The following KCTD20 variants were observed in gnomAD, a reference collection of about 807,000 sequenced individuals.
The protein encoded by KCTD20 is BTB/POZ domain-containing protein KCTD20.
Under a neutral mutation model 39.6 loss-of-function variants are expected in KCTD20, and 30 were observed. The ratio of observed to expected loss-of-function variants is 0.76; its 90% CI spans 0.57 to 1.03. The LOEUF (loss-of-function observed/expected upper bound fraction) is 1.03. Ranked by LOEUF, KCTD20 falls within the 50% of genes least tolerant of loss-of-function variation. KCTD20 has a pLI of 0.00. For missense variants in KCTD20, 422 were observed against 522.0 expected (o/e 0.81, Z 1.87); for synonymous variants, 162 against 180.6 (o/e 0.90, Z 0.83).
chr6:36,459,136 A>AC (rs1161582460), intron 1 of KCTD20, among the ~76,000 whole-genome samples: 1 of 151,948 alleles, frequency 6.6e-6, no homozygotes, highest in African/African-American at 2.4e-5. Context: ...ACGTGGTGAA[A>AC]CCCCATCTCT....
chr6:36,469,990 C>T lies in KCTD20; in HGVS notation c.-46-62C>T. ...TCAGTTTTCTAGTTTTGCTTTCATA[C>T]CATGGAATTCCTTAGAAATCTGTTT... On this transcript the variant is annotated intron_variant, in intron 1 of 7. Coordinates refer to ENST00000373731, the MANE Select transcript of KCTD20 (RefSeq NM_173562.5). This position sits in a 1 kb window ranked among gnomAD's most constrained non-coding sequence, Gnocchi z 4.6. 1 of 1,013,754 alleles carries T rather than the reference C, an allele frequency of 9.9e-7. No homozygotes were observed. Among genetic ancestry groups the T allele is most frequent in the Non-Finnish European group, 1.4e-6 (1 of 727,408 alleles). 62.8% of individuals were successfully genotyped at this position (1,013,754 alleles called of 1,614,324 possible). A position where few individuals can be genotyped will look rare whatever the true frequency, so the allele number is the denominator to read the frequency against.
At chr6:36,454,252 A>T (rs1319115310) in intron 1 of KCTD20, among the ~76,000 whole-genome samples, 1 of 152,182 alleles carries the variant, frequency 6.6e-6, no homozygotes, top group Non-Finnish European at 1.5e-5. Context: ...GTTTTATTAG[A>T]ACACAGCCAT....
At chr6:36,478,594 A>G (rs1776143595) in intron 3 of KCTD20, among the ~76,000 whole-genome samples, 1 of 152,224 alleles carries the variant, frequency 6.6e-6, no homozygotes, top group African/African-American at 2.4e-5. Flanking sequence ...CCAAGAAAGC[A>G]TTAACATAGC....
At chr6:36,464,437 G>A (rs1001920241) in intron 1 of KCTD20, among the ~76,000 whole-genome samples, 1 of 152,114 alleles carries the variant, frequency 6.6e-6, no homozygotes, top group African/African-American at 2.4e-5. Context: ...TCCTTCCACA[G>A]CCTCCTGAGC....
At chr6:36,477,472 T>C (rs1189723731) in intron 3 of KCTD20, among the ~76,000 whole-genome samples, 1 of 143,754 alleles carries the variant, frequency 7.0e-6, no homozygotes. Context: ...AATGGAATCA[T>C]TTTCTTTTCT....
At chr6:36,454,584 C>T (rs190760934) in intron 1 of KCTD20, among the ~76,000 whole-genome samples, 1 of 152,130 alleles carries the variant, frequency 6.6e-6, no homozygotes, top group African/African-American at 2.4e-5. Flanking sequence ...TCAGGTGATG[C>T]ACCCAGCTGG....
rs776758856 is a variant in KCTD20 at position 36,474,935 on chromosome 6, A to G, written c.307A>G (p.Ser103Gly). 5.0e-6 allele frequency: 8 copies of G among 1,614,034 alleles called. No individual in the cohort carries two copies. Among genetic ancestry groups the G allele is most frequent in the Non-Finnish European group, 6.8e-6 (8 of 1,180,034 alleles). The part of the protein sequence containing the change: ...PFIAPERFGN[S>G]SVGFGSNSHS... ...TATTGCTCCAGAAAGATTTGGAAAC[A>G]GTAGTGTGGGCTTTGGCAGTAATTC... is the stretch of plus-strand genomic sequence containing the variant. Residue 103 changes from serine to glycine, a missense_variant, in exon 3 of 8, where the codon AGT (serine) becomes GGT (glycine). Transcript: ENST00000373731.
In KCTD20 at chr6:36,469,813, T is replaced by C. The variant is rs1775859917; in HGVS notation, c.-46-239T>C. 6.6e-6 allele frequency among the ~76,000 whole-genome samples: 1 copy of C among 152,248 alleles called. No individual in the cohort carries two copies. The highest frequency in any genetic ancestry group is 2.1e-4 in the South Asian group (1 of 4,826). ...GACCAAAGTCAGTGAATTTGATGTC[T>C]GTTCATGGATAAAATTATTCCCTGG... is the stretch of plus-strand genomic sequence containing the variant. On this transcript the variant is annotated intron_variant, in intron 1 of 7. Transcript: ENST00000373731. This position sits in a 1 kb window ranked among gnomAD's most constrained non-coding sequence, Gnocchi z 4.6.
chr6:36,481,560 A>C lies in KCTD20; in HGVS notation c.659-2A>C, dbSNP rs761387371. On this transcript the variant is annotated splice_acceptor_variant, in intron 5 of 7. Coordinates refer to ENST00000373731, the MANE Select transcript of KCTD20 (RefSeq NM_173562.5). LOFTEE classifies it high-confidence loss of function. ...ATGTTCACCTACATTTTCTCTCTGC[A>C]GGTGCTTTACTCCATGAACTGTCTA... 6.2e-6 allele frequency: 10 copies of C among 1,612,168 alleles called. No individual in the cohort carries two copies. The East Asian group carries it at 2.2e-4, about 36-fold the overall frequency.
At chr6:36,472,083 C>G (rs1190304820) in intron 2 of KCTD20, among the ~76,000 whole-genome samples, 2 of 152,200 alleles carry the variant, frequency 1.3e-5, no homozygotes, top group African/African-American at 4.8e-5. Flanking sequence ...CTCCTGACCT[C>G]ATGATCCGCC....
intron 6 of KCTD20, among the ~76,000 whole-genome samples, chr6:36,483,169 A>C (rs1425147313): frequency 6.6e-6 from 1 of 151,286 alleles, no homozygotes; most frequent in Non-Finnish European, 1.5e-5. Flanking sequence ...AGATGTTGCC[A>C]AATTATCCTC....
chr6:36,460,988 CAT>C (rs904212055), intron 1 of KCTD20, among the ~76,000 whole-genome samples: 1 of 151,930 alleles, frequency 6.6e-6, no homozygotes, highest in Admixed American at 6.6e-5. Context: ...GCATCTACCT[CAT>C]AAAGTTTTTT....
At chr6:36,462,045 G>T (rs1267360378) in intron 1 of KCTD20, among the ~76,000 whole-genome samples, 2 of 152,182 alleles carry the variant, frequency 1.3e-5, no homozygotes, top group Non-Finnish European at 2.9e-5. Context: ...CCAAGCTTGT[G>T]TAGTTTTTTG....
At chr6:36,448,712 G>A (rs763201088) in intron 1 of KCTD20, among the ~76,000 whole-genome samples, 4 of 152,160 alleles carry the variant, frequency 2.6e-5, no homozygotes, top group East Asian at 1.9e-4. Flanking sequence ...CTTTGTGTCC[G>A]GAATTTATTC....
chr6:36,446,744 T>C (rs1208778431), intron 1 of KCTD20, among the ~76,000 whole-genome samples: 1 of 152,250 alleles, frequency 6.6e-6, no homozygotes, highest in Non-Finnish European at 1.5e-5. Flanking sequence ...ATTTCTGGAA[T>C]AGTAGGAAGG....
chr6:36,484,849 TC>T, intron 7 of KCTD20, 25 bp downstream of exon 7: 2 of 1,302,188 alleles, frequency 1.5e-6, no homozygotes, highest in Non-Finnish European at 2.2e-6. Context: ...AAAATCCCAG[TC>T]AACATTCAGG....
chr6:36,469,457 T>G lies in KCTD20; in HGVS notation c.-46-595T>G, dbSNP rs1230248504. Among the ~76,000 whole-genome samples the G allele has an allele frequency of 6.6e-6, 1 of 152,154 alleles. No individual in the cohort carries two copies. Among genetic ancestry groups the G allele is most frequent in the Non-Finnish European group, 1.5e-5 (1 of 68,034 alleles). ...GAGATGAATGACATGATTAGCTTTA[T>G]AGCCAGTGTGATTTTGAGGTGGGGT... On this transcript the variant is annotated intron_variant, in intron 1 of 7. Coordinates refer to ENST00000373731, the MANE Select transcript of KCTD20 (RefSeq NM_173562.5). The surrounding 1 kb of genome is among the most constrained non-coding windows in gnomAD (Gnocchi z 4.6).
intron 5 of KCTD20, 91 bp from the exon 6 acceptor site, chr6:36,481,471 A>G: frequency 6.4e-6 from 6 of 933,562 alleles, no homozygotes; most frequent in South Asian, 1.4e-5. Flanking sequence ...AACCTCATCA[A>G]TGATAACAGC....
chr6:36,470,132 T>C lies in KCTD20; in HGVS notation c.35T>C (p.Leu12Ser), dbSNP rs148815345. 1 of 1,614,066 alleles carries C rather than the reference T, an allele frequency of 6.2e-7. No individual in the cohort carries two copies. Among genetic ancestry groups the C allele is most frequent in the African/African-American group, 1.3e-5 (1 of 75,054 alleles). Residue 12 changes from leucine (L) to serine (S), a missense_variant, in exon 2 of 8, where the codon TTA (leucine) becomes TCA (serine). By Grantham distance (145) the Leu-to-Ser change is moderately radical. Coordinates refer to ENST00000373731, the MANE Select transcript of KCTD20 (RefSeq NM_173562.5). ...NVHRGSDSDR[L>S]LRQEASCLVD... ...CACCGTGGCAGTGACAGTGACAGGT[T>C]ATTGCGGCAGGAGGCCAGCTGCTTA...
Sources: allele counts gnomAD v4.1 joint callset (sites outside exome capture counted in the v4.1 genomes callset), GRCh38; gene constraint gnomAD v4.1.1; non-coding constraint Gnocchi (gnomAD v3.1); transcripts MANE v1.5; gene names NCBI Gene and HGNC (gene_info 2026-07-23, HGNC 2026-07-21).